SNRPN: variants seen among roughly 807,000 people sequenced by gnomAD.
SNRPN encodes the protein small nuclear ribonucleoprotein-associated protein N.
Under a neutral mutation model 25.2 loss-of-function variants are expected in SNRPN, and 7 were observed. The observed-to-expected ratio is 0.28, with a 90% CI of 0.16 to 0.52. The LOEUF is 0.52. Among genes scored for constraint, SNRPN ranks in the 20% least tolerant of loss-of-function variants. The pLI, the probability that SNRPN is intolerant of heterozygous loss-of-function variation, is 0.96. For synonymous variants in SNRPN, 124 were observed against 110.6 expected, an observed-to-expected ratio of 1.12 and a Z score of -0.76; for missense variants, 196 against 322.5, an observed-to-expected ratio of 0.61 and a Z score of 3.00.
At chr15:24,978,065 T>C (rs2077266736) in intron 8 of SNRPN, 128 bp from the exon 9 acceptor site, 2 of 1,194,006 alleles carry the variant, frequency 1.7e-6, no homozygotes. Flanking sequence ...AGAAGAGTAA[T>C]TGTCATATAG....
At position 24,836,536 on chromosome 15, in the gene SNRPN, C is replaced by G. The variant is rs558907035; in HGVS notation, c.-579+6631C>G. Among the ~76,000 whole-genome samples, 4 of 152,006 alleles carry G rather than the reference C, an allele frequency of 2.6e-5. No individual in the cohort carries two copies. The East Asian group carries it at 7.7e-4, about 29-fold the overall frequency. On this transcript the variant is annotated intron_variant, in intron 2 of 12. Transcript: ENST00000400100. The stretch of plus-strand genomic sequence containing the variant: ...AAGCGATTCTCCTGCCTCAGTCTCC[C>G]GAGTAGCTGGGACTATAGGCGCCCA...
At chr15:24,959,182 T>C (rs1239074458) in intron 1 of SNRPN, among the ~76,000 whole-genome samples, 2 of 152,242 alleles carry the variant, frequency 1.3e-5, no homozygotes, top group African/African-American at 4.8e-5. Context: ...TTCTATATGA[T>C]GATTTTTTCA....
At chr15:24,832,903 G>C (rs4414473) in intron 2 of SNRPN, among the ~76,000 whole-genome samples, 3,370 of 151,836 alleles carry the variant, frequency 0.022, 171 homozygotes, top group African/African-American at 0.077. Flanking sequence ...TCAGGAGATC[G>C]AGGCCATCCT....
intron 2 of SNRPN, among the ~76,000 whole-genome samples, chr15:24,906,430 G>T (rs2058813245): frequency 6.6e-6 from 1 of 152,182 alleles, no homozygotes; most frequent in Admixed American, 6.5e-5. Flanking sequence ...ACCGTACATG[G>T]CTGGAAAAAT....
intron 1 of SNRPN, among the ~76,000 whole-genome samples, chr15:24,829,509 C>T (rs947427987): frequency 2.6e-5 from 4 of 152,006 alleles, no homozygotes; most frequent in African/African-American, 4.8e-5. Flanking sequence ...AAGGGCAGAC[C>T]ATGCAGGGAC....
intron 2 of SNRPN, chr15:24,909,066 A>G (rs1293334448): frequency 1.1e-5 from 15 of 1,414,268 alleles, no homozygotes; most frequent in African/African-American, 1.4e-5. Context: ...TTATTTTCAT[A>G]GACTGGATTC....
upstream of SNRPN, among the ~76,000 whole-genome samples, chr15:24,954,203 T>A (rs1247373509): frequency 6.6e-6 from 1 of 152,202 alleles, no homozygotes; most frequent in Non-Finnish European, 1.5e-5. Flanking sequence ...TACTTGTCCA[T>A]TAGTATTATA....
intron 1 of SNRPN, among the ~76,000 whole-genome samples, chr15:24,959,573 T>G (rs2074431336): frequency 6.6e-6 from 1 of 152,226 alleles, no homozygotes; most frequent in Admixed American, 6.5e-5. Flanking sequence ...TCTTTTTGTT[T>G]TTTGGTAAGA....
At position 24,974,375 on chromosome 15, in the gene SNRPN, C is replaced by T. The variant is rs971150877; in HGVS notation, c.-79C>T. The T allele has an allele frequency of 7.3e-7, 1 of 1,377,952 alleles. No individual in the cohort carries two copies. The highest frequency in any genetic ancestry group is 1.0e-6 in the Non-Finnish European group (1 of 964,786). The allele number at this position is 1,377,952 out of a possible 1,614,324, so 85.4% of individuals were successfully genotyped here. A position where few individuals can be genotyped will look rare whatever the true frequency, so the allele number is the denominator to read the frequency against. On this transcript the variant is annotated 5_prime_UTR_variant, in exon 4 of 10. Coordinates refer to ENST00000390687, the MANE Select transcript of SNRPN (RefSeq NM_003097.6). Reference sequence around the variant, plus strand: ...GTTTCTAGGAGAACCTGCGTCATACCTTTATCTATAGCCTTCCCCTAGGTC... The same window carrying T: ...GTTTCTAGGAGAACCTGCGTCATACTTTTATCTATAGCCTTCCCCTAGGTC...
At chr15:24,951,881 C>T (rs996063531), upstream of SNRPN, among the ~76,000 whole-genome samples, 1 of 152,152 alleles carries the variant, frequency 6.6e-6, no homozygotes, top group African/African-American at 2.4e-5. Context: ...TATTTTCTCC[C>T]ATTCTCTTGG....
chr15:24,897,680 G>T (rs558895431), intron 2 of SNRPN, among the ~76,000 whole-genome samples: 21 of 152,238 alleles, frequency 1.4e-4, no homozygotes, highest in African/African-American at 5.1e-4. Flanking sequence ...CATGGGGGGT[G>T]GTTTCCCCTA....
intron 3 of SNRPN, among the ~76,000 whole-genome samples, chr15:24,925,077 ATTATT>A (rs139851383): frequency 0.015 from 2,258 of 152,176 alleles, 60 homozygotes; most frequent in African/African-American, 0.05. Flanking sequence ...CAATCATATG[ATTATT>A]TTATCTATTG....
intron 2 of SNRPN, among the ~76,000 whole-genome samples, chr15:24,834,728 C>CCCT (rs1555376612): frequency 4.2e-4 from 18 of 42,806 alleles, no homozygotes; most frequent in African/African-American, 1.3e-3. Flanking sequence ...TCTCTCTCTC[C>CCCT]CTCTCTCTCT....
At chr15:24,959,354 C>CGGT (rs980027777) in intron 1 of SNRPN, among the ~76,000 whole-genome samples, 9 of 152,094 alleles carry the variant, frequency 5.9e-5, no homozygotes, top group Non-Finnish European at 2.9e-5. Context: ...AAGCCAGGTG[C>CGGT]GGTGGCTCAT....
chr15:24,852,573 A>G (rs185387744), upstream of SNRPN, among the ~76,000 whole-genome samples: 168 of 152,294 alleles, frequency 1.1e-3, 1 homozygote, highest in African/African-American at 3.7e-3. Context: ...AATTAAACAT[A>G]TTTTTCCAAA....
At position 24,978,241 on chromosome 15, in the gene SNRPN, T is replaced by C; in HGVS notation, c.608T>C (p.Ile203Thr). ...PGMRPPMGPP[I>T]GLPPARGTPI... The stretch of plus-strand genomic sequence containing the variant: ...ATGAGACCACCCATGGGCCCACCAA[T>C]TGGGCTTCCCCCTGCTCGAGGGACG... Residue 203 changes from isoleucine (I) to threonine (T), a missense_variant, in exon 9 of 10, where the codon ATT (isoleucine) becomes ACT (threonine). By Grantham distance (89) the Ile-to-Thr change is moderately conservative. Coordinates refer to ENST00000390687, the MANE Select transcript of SNRPN (RefSeq NM_003097.6). 1 of 1,614,052 alleles carries C rather than the reference T, an allele frequency of 6.2e-7. No homozygotes were observed. The highest frequency in any genetic ancestry group is 8.5e-7 in the Non-Finnish European group (1 of 1,179,910).
chr15:24,973,125 G>A (rs1339576126), intron 3 of SNRPN, among the ~76,000 whole-genome samples: 1 of 152,154 alleles, frequency 6.6e-6, no homozygotes, highest in African/African-American at 2.4e-5. Flanking sequence ...TTGACCTCAG[G>A]TGATCCGCCC....
chr15:24,950,003 T>A (rs1017420721), upstream of SNRPN, among the ~76,000 whole-genome samples: 3 of 151,508 alleles, frequency 2.0e-5, no homozygotes, highest in Admixed American at 1.3e-4. Flanking sequence ...TAAAAAAAAA[T>A]TTTTAGTAGA....
chr15:24,898,163 A>C (rs1167592583), intron 2 of SNRPN, among the ~76,000 whole-genome samples: 1 of 152,202 alleles, frequency 6.6e-6, no homozygotes, highest in African/African-American at 2.4e-5. Flanking sequence ...GCACTTGGAA[A>C]AAAAACAAAA....
Sources: gnomAD v4.1 joint callset for allele counts (sites outside exome capture counted in the v4.1 genomes callset) on GRCh38, gnomAD v4.1.1 for gene constraint, MANE v1.5 for transcripts, NCBI Gene and HGNC (gene_info 2026-07-23, HGNC 2026-07-21) for gene names.